APP: variants seen among roughly 807,000 people sequenced by gnomAD.
APP encodes the protein amyloid-beta precursor protein.
APP carries 31 observed loss-of-function variants against 101.4 expected under a neutral mutation model. The ratio of observed to expected loss-of-function variants is 0.31; its 90% CI spans 0.23 to 0.41. The LOEUF is 0.41. APP is among the 10% of genes least tolerant of loss of function. The pLI is 1.00. For synonymous variants in APP, 366 were observed against 364.4 expected (o/e 1.00, Z -0.05); for missense variants, 839 against 1,003.7 (o/e 0.84, Z 2.22).
At chr21:26,034,998 G>A (rs1266293661) in intron 5 of APP, among the ~76,000 whole-genome samples, 1 of 151,850 alleles carries the variant, frequency 6.6e-6, no homozygotes, top group Non-Finnish European at 1.5e-5. Flanking sequence ...AGAAAAGAAT[G>A]ATCAGGGCCA....
intron 6 of APP, among the ~76,000 whole-genome samples, chr21:26,017,331 T>C (rs1197911666): frequency 6.6e-6 from 1 of 151,498 alleles, no homozygotes; most frequent in Non-Finnish European, 1.5e-5. Flanking sequence ...AGAGGCCTGT[T>C]TTCCCGGCTA....
intron 15 of APP, among the ~76,000 whole-genome samples, chr21:25,898,829 C>T (rs1371846259): frequency 1.3e-5 from 2 of 152,150 alleles, no homozygotes; most frequent in Non-Finnish European, 2.9e-5. Context: ...CTTTGGCTCC[C>T]AGGGGAATTC....
intron 3 of APP, among the ~76,000 whole-genome samples, chr21:26,054,214 C>G (rs1258901433): frequency 6.6e-6 from 1 of 152,056 alleles, no homozygotes; most frequent in Non-Finnish European, 1.5e-5. Flanking sequence ...GGAAAAACCT[C>G]AAAGAAGAAA....
intron 13 of APP, among the ~76,000 whole-genome samples, chr21:25,932,560 ACTTT>A (rs2040193254): frequency 6.6e-6 from 1 of 152,040 alleles, no homozygotes; most frequent in Non-Finnish European, 1.5e-5. Flanking sequence ...TAATCCCCAC[ACTTT>A]CCAGTCTTGG....
intron 6 of APP, among the ~76,000 whole-genome samples, chr21:26,001,541 TGC>T (rs1414672107): frequency 2.0e-5 from 3 of 152,340 alleles, no homozygotes; most frequent in East Asian, 1.9e-4. Context: ...GACAGGGTCT[TGC>T]ACTGCCGCCC....
chr21:26,144,511 C>A (rs1413292239), intron 1 of APP, among the ~76,000 whole-genome samples: 1 of 152,080 alleles, frequency 6.6e-6, no homozygotes, highest in Non-Finnish European at 1.5e-5. Context: ...ATCTCCTACA[C>A]TAAATAGTTA....
chr21:26,094,517 C>G (rs1248057185), intron 2 of APP, among the ~76,000 whole-genome samples: 1 of 150,322 alleles, frequency 6.7e-6, no homozygotes, highest in African/African-American at 2.4e-5. Flanking sequence ...CAGTAAACAT[C>G]CAGAGAGGAA....
At chr21:25,932,929 A>G (rs761132976) in intron 13 of APP, among the ~76,000 whole-genome samples, 2 of 152,204 alleles carry the variant, frequency 1.3e-5, no homozygotes, top group Non-Finnish European at 2.9e-5. Flanking sequence ...CAGAGCCTCT[A>G]CGTTAAGTAC....
chr21:25,954,719 A>T lies in APP; in HGVS notation c.1588-30T>A, dbSNP rs746000885. On this transcript the variant is annotated intron_variant, in intron 12 of 17. Transcript: ENST00000346798. ...ATCAAAGGATGACAACTCCAGGTCA[A>T]CAATGTCTGGGGGTAGGAATGGTTC... 5.1e-6 allele frequency: 8 copies of T among 1,555,734 alleles called. No homozygotes were observed. In the South Asian group the frequency reaches 8.9e-5, roughly 17 times the overall value.
At chr21:25,899,366 C>G (rs547618348) in intron 15 of APP, among the ~76,000 whole-genome samples, 2 of 152,276 alleles carry the variant, frequency 1.3e-5, no homozygotes, top group East Asian at 1.9e-4. Flanking sequence ...GATTCCCTTC[C>G]TTCGAATGTG....
intron 8 of APP, among the ~76,000 whole-genome samples, chr21:25,992,854 A>C (rs369949873): frequency 2.0e-5 from 3 of 152,366 alleles, no homozygotes; most frequent in African/African-American, 7.2e-5. Flanking sequence ...CTAATTTGGC[A>C]GTTTTAGTTC....
At chr21:25,885,547 T>C (rs7277612) in intron 17 of APP, among the ~76,000 whole-genome samples, 21,936 of 152,156 alleles carry the variant, frequency 0.14, 1,706 homozygotes, top group African/African-American at 0.2. Flanking sequence ...ATATTCATTC[T>C]CTTCCCAGAC....
chr21:25,944,642 A>G (rs2040726831), intron 13 of APP, among the ~76,000 whole-genome samples: 1 of 152,256 alleles, frequency 6.6e-6, no homozygotes, highest in Admixed American at 6.5e-5. Flanking sequence ...TTCGGGAAAC[A>G]TATTTCAAAA....
intron 9 of APP, among the ~76,000 whole-genome samples, chr21:25,979,583 A>C (rs915421519): frequency 2.6e-5 from 4 of 152,178 alleles, no homozygotes; most frequent in Non-Finnish European, 4.4e-5. Context: ...CTCTGGGACA[A>C]CATCTCTTAG....
intron 11 of APP, among the ~76,000 whole-genome samples, chr21:25,964,606 CTTTT>C (rs150904952): frequency 8.2e-6 from 1 of 122,568 alleles, no homozygotes; most frequent in Non-Finnish European, 1.7e-5. Flanking sequence ...TTTTTCTTTT[CTTTT>C]TTTTTTTTTT....
At chr21:25,988,672 A>T (rs2042733413) in intron 8 of APP, among the ~76,000 whole-genome samples, 1 of 147,054 alleles carries the variant, frequency 6.8e-6, no homozygotes, top group African/African-American at 2.5e-5. Context: ...ATTGCACCCC[A>T]GCCTGGGTGA....
intron 5 of APP, among the ~76,000 whole-genome samples, chr21:26,032,720 T>C (rs900556617): frequency 6.6e-6 from 1 of 152,012 alleles, no homozygotes; most frequent in South Asian, 2.1e-4. Flanking sequence ...TTTATTGCTA[T>C]TAGGTTTTGA....
At chr21:26,131,191 T>G (rs1216616320) in intron 1 of APP, among the ~76,000 whole-genome samples, 3 of 151,752 alleles carry the variant, frequency 2.0e-5, no homozygotes, top group African/African-American at 7.3e-5. Context: ...ATCGCACCAC[T>G]GCACTCCGGC....
At position 26,112,016 on chromosome 21, in the gene APP, A is replaced by G. The variant is rs200648330; in HGVS notation, c.188T>C (p.Ile63Thr). ...CTGCAGGATGCCTTCCTTGGTATCA[A>G]TGCAGGTTTTGGTCCCTGATGGATC... ...DSDPSGTKTC[I>T]DTKEGILQYC... Residue 63 changes from isoleucine (I) to threonine (T), a missense_variant, in exon 2 of 18, where the codon ATT (isoleucine) becomes ACT (threonine). By Grantham distance (89) the Ile-to-Thr change is moderately conservative (BLOSUM62 -1). Coordinates refer to ENST00000346798, the MANE Select transcript of APP (RefSeq NM_000484.4). 5 of 1,614,128 alleles carry G rather than the reference A, an allele frequency of 3.1e-6. No homozygotes were observed. The highest frequency in any genetic ancestry group is 1.6e-4 in the Middle Eastern group (1 of 6,062).
Sources: gnomAD v4.1 joint callset for allele counts (sites outside exome capture counted in the v4.1 genomes callset) on GRCh38, gnomAD v4.1.1 for gene constraint, MANE v1.5 for transcripts, NCBI Gene and HGNC (gene_info 2026-07-23, HGNC 2026-07-21) for gene names.